Variants in CHN1 observed in about 807,000 individuals in gnomAD.
CHN1 encodes the protein chimerin 1, also known as N-chimaerin.
Under a neutral mutation model 59.5 loss-of-function variants are expected in CHN1, and 37 were observed. The ratio of observed to expected loss-of-function variants is 0.62; its 90% CI spans 0.48 to 0.82. CHN1 has a LOEUF of 0.82. Ranked by LOEUF, CHN1 falls within the 40% of genes least tolerant of loss-of-function variation. CHN1 has a pLI of 0.00. For synonymous variants in CHN1, 206 were observed against 200.4 expected (o/e 1.03, Z -0.24); for missense variants, 469 against 571.0 (o/e 0.82, Z 1.82).
chr2:174,895,003 C>T (rs1688167491), intron 5 of CHN1, among the ~76,000 whole-genome samples: 1 of 151,352 alleles, frequency 6.6e-6, no homozygotes, highest in South Asian at 2.1e-4. Flanking sequence ...CACTTAGTAG[C>T]TCATTATCAG....
intron 2 of CHN1, among the ~76,000 whole-genome samples, chr2:174,948,991 C>A (rs1449849607): frequency 6.6e-6 from 1 of 152,142 alleles, no homozygotes; most frequent in Admixed American, 6.6e-5. Flanking sequence ...TCATGGCTCA[C>A]ATATTAAGGA....
chr2:174,888,100 A>C (rs893432839), intron 5 of CHN1, among the ~76,000 whole-genome samples: 1 of 152,226 alleles, frequency 6.6e-6, no homozygotes, highest in East Asian at 1.9e-4. Flanking sequence ...CAGGAAAAAA[A>C]CATGTTCAAT....
chr2:174,967,008 GA>G (rs1559001903), intron 1 of CHN1, among the ~76,000 whole-genome samples: 1 of 152,008 alleles, frequency 6.6e-6, no homozygotes, highest in Non-Finnish European at 1.5e-5. Flanking sequence ...CGCAAAACTC[GA>G]TAACGACAAT....
At chr2:174,815,339 C>G (rs756106289) in intron 8 of CHN1, among the ~76,000 whole-genome samples, 5 of 152,150 alleles carry the variant, frequency 3.3e-5, no homozygotes, top group Admixed American at 6.5e-5. Context: ...GATCACACCA[C>G]TGCACCCCAG....
At chr2:174,877,485 T>C (rs1025972757) in intron 6 of CHN1, among the ~76,000 whole-genome samples, 2 of 152,114 alleles carry the variant, frequency 1.3e-5, no homozygotes, top group Non-Finnish European at 2.9e-5. Flanking sequence ...TTTTGAGAGA[T>C]AATGCAACCC....
chr2:174,809,265 C>A (rs1684999572), intron 10 of CHN1, among the ~76,000 whole-genome samples: 1 of 152,134 alleles, frequency 6.6e-6, no homozygotes, highest in Non-Finnish European at 1.5e-5. Flanking sequence ...AGGTTAAACT[C>A]CCCAGTTATT....
chr2:174,935,264 C>A (rs923304553), intron 3 of CHN1, among the ~76,000 whole-genome samples: 9 of 152,142 alleles, frequency 5.9e-5, no homozygotes, highest in African/African-American at 2.2e-4. Flanking sequence ...ACTGGAAGCT[C>A]CTTCAGGAGA....
intron 3 of CHN1, among the ~76,000 whole-genome samples, chr2:174,927,739 A>C (rs1689219461): frequency 6.6e-6 from 1 of 152,234 alleles, no homozygotes. Flanking sequence ...CTACAGTGGT[A>C]GTCATTGGGT....
intron 1 of CHN1, among the ~76,000 whole-genome samples, chr2:174,971,304 C>T (rs921658394): frequency 6.6e-6 from 1 of 151,988 alleles, no homozygotes; most frequent in Admixed American, 6.6e-5. Flanking sequence ...GGTGACAGAG[C>T]GTGACTCCGT....
intron 1 of CHN1, among the ~76,000 whole-genome samples, chr2:174,984,617 T>C (rs1691278459): frequency 6.6e-6 from 1 of 152,208 alleles, no homozygotes; most frequent in Non-Finnish European, 1.5e-5. Context: ...TCTGCCTGCC[T>C]TGGCCTCCCA....
rs1574132430 is a variant in CHN1 at position 174,890,596 on chromosome 2, A to G, written c.261-12468T>C. Among the ~76,000 whole-genome samples, 9 of 152,306 alleles carry G rather than the reference A, an allele frequency of 5.9e-5. 3 individuals carry two copies. The highest frequency in any genetic ancestry group is 5.9e-4 in the Admixed American group (9 of 15,290). On this transcript the variant is annotated intron_variant, in intron 5 of 12. Coordinates refer to ENST00000409900, the MANE Select transcript of CHN1 (RefSeq NM_001822.7). ...ACCCAAATATACAAAGCTAACACTGACAGAATTGAAAGGAGAAATTCATAG... is the reference window on the plus strand; with the variant it reads ...ACCCAAATATACAAAGCTAACACTGGCAGAATTGAAAGGAGAAATTCATAG...
Position 175,004,972 on chromosome 2 carries a change from CA to C in CHN1, c.-61del. The C allele has an allele frequency of 6.6e-7, 1 of 1,513,174 alleles. No individual in the cohort carries two copies. 93.7% of individuals were successfully genotyped at this position (1,513,174 alleles called of 1,614,324 possible). On this transcript the variant is annotated 5_prime_UTR_variant, in exon 1 of 13. The change abolishes the stop of an existing upstream ORF in the 5' untranslated region. Coordinates refer to ENST00000409900, the MANE Select transcript of CHN1 (RefSeq NM_001822.7). ...CGCTCCTCCCAGGCGGGCTAGGGAT[CA>C]CCTCATCAGCCCGCCGCACCCACAC...
At chr2:174,918,396 C>T (rs977931295) in intron 4 of CHN1, 138 bp downstream of exon 4, 33 of 549,870 alleles carry the variant, frequency 6.0e-5, no homozygotes, top group Admixed American at 1.2e-4. Flanking sequence ...AATTAGATCA[C>T]ATTTGAAATT....
chr2:174,983,407 A>G (rs913892480), intron 1 of CHN1, among the ~76,000 whole-genome samples: 1 of 152,318 alleles, frequency 6.6e-6, no homozygotes, highest in African/African-American at 2.4e-5. Flanking sequence ...TATCTTAAAA[A>G]GTGCTTGCCA....
intron 5 of CHN1, among the ~76,000 whole-genome samples, chr2:174,879,508 C>T (rs979485250): frequency 1.1e-4 from 16 of 152,254 alleles, no homozygotes; most frequent in Admixed American, 6.5e-4. Flanking sequence ...CCATTTTCCT[C>T]TAATGTTAAA....
At chr2:174,993,312 C>T (rs559777178) in intron 1 of CHN1, among the ~76,000 whole-genome samples, 2 of 140,614 alleles carry the variant, frequency 1.4e-5, no homozygotes, top group African/African-American at 5.4e-5. Context: ...CAATCTCTCT[C>T]CCCTATCACA....
At chr2:174,838,124 G>C (rs981194837) in intron 7 of CHN1, among the ~76,000 whole-genome samples, 4 of 151,562 alleles carry the variant, frequency 2.6e-5, no homozygotes, top group Admixed American at 2.0e-4. Context: ...GATGGAGTTT[G>C]CTCTTGTTGC....
intron 5 of CHN1, among the ~76,000 whole-genome samples, chr2:174,888,259 T>C (rs1233019486): frequency 6.6e-6 from 1 of 152,170 alleles, no homozygotes; most frequent in Non-Finnish European, 1.5e-5. Context: ...TTGAAAGTCC[T>C]AGCAGGAAAG....
intron 6 of CHN1, among the ~76,000 whole-genome samples, chr2:174,852,998 G>A (rs1474884539): frequency 6.6e-6 from 1 of 152,110 alleles, no homozygotes; most frequent in Non-Finnish European, 1.5e-5. Context: ...AATCCTAGAG[G>A]AGAACCTAGG....
Sources: gnomAD v4.1 joint callset for allele counts (sites outside exome capture counted in the v4.1 genomes callset) on GRCh38, gnomAD v4.1.1 for gene constraint, MANE v1.5 for transcripts, NCBI Gene and HGNC (gene_info 2026-07-23, HGNC 2026-07-21) for gene names.